The following TAFA1 variants were observed in gnomAD, a reference collection of about 807,000 sequenced individuals.
TAFA1 encodes the protein TAFA chemokine like family member 1, also known as chemokine-like protein TAFA-1.
A neutral mutation model predicts 18.5 loss-of-function variants in TAFA1; 4 were observed. The ratio of observed to expected loss-of-function variants is 0.22; its 90% confidence interval spans 0.11 to 0.49. The LOEUF (loss-of-function observed/expected upper bound fraction) is 0.49. Ranked by LOEUF, TAFA1 falls within the 20% of genes least tolerant of loss-of-function variation. The pLI, the probability that TAFA1 is intolerant of heterozygous loss-of-function variation, is 0.98. For missense variants in TAFA1, 147 were observed against 169.0 expected (o/e 0.87, Z 0.72); for synonymous variants, 56 against 55.2 (o/e 1.01, Z -0.06).
At chr3:68,387,293 A>G (rs905907596) in intron 2 of TAFA1, among the ~76,000 whole-genome samples, 1 of 152,136 alleles carries the variant, frequency 6.6e-6, no homozygotes, top group East Asian at 1.9e-4. Context: ...ATGGCAGTCT[A>G]TAGCTCAGTT....
At chr3:68,483,839 A>C (rs987902947) in intron 3 of TAFA1, among the ~76,000 whole-genome samples, 18 of 152,232 alleles carry the variant, frequency 1.2e-4, no homozygotes, top group Admixed American at 1.3e-4. Context: ...TGGAGCCCGA[A>C]GTTTATAGAA....
chr3:68,244,969 C>T (rs544251240), intron 2 of TAFA1, among the ~76,000 whole-genome samples: 1 of 152,254 alleles, frequency 6.6e-6, no homozygotes, highest in African/African-American at 2.4e-5. Context: ...CTATAATATG[C>T]TTAGTAATAA....
chr3:68,345,271 G>A (rs533233371), intron 2 of TAFA1, among the ~76,000 whole-genome samples: 6 of 152,304 alleles, frequency 3.9e-5, no homozygotes, highest in Admixed American at 2.6e-4. Context: ...TGAGCAACCA[G>A]GGCCAGATCT....
At chr3:68,325,360 T>A (rs1375734339) in intron 2 of TAFA1, among the ~76,000 whole-genome samples, 1 of 152,198 alleles carries the variant, frequency 6.6e-6, no homozygotes, top group Non-Finnish European at 1.5e-5. Context: ...ATGTGACCTT[T>A]GTGCTAGTTA....
intron 3 of TAFA1, among the ~76,000 whole-genome samples, chr3:68,502,764 AT>A (rs1266391090): frequency 6.6e-6 from 1 of 152,128 alleles, no homozygotes; most frequent in African/African-American, 2.4e-5. Flanking sequence ...CTATGGCATC[AT>A]CTATAACAGT....
At chr3:67,992,292 A>G in the TAFA1 span, among the ~76,000 whole-genome samples, 2 of 152,228 alleles carry the variant, frequency 1.3e-5, no homozygotes, top group South Asian at 4.1e-4. Flanking sequence ...ACATTTTTGT[A>G]TCCTAACTGA....
Position 68,414,261 on chromosome 3 carries a change from C to T in TAFA1, c.119-3019C>T, listed in dbSNP as rs1168164098. ...AGCAGAGGTTGCAGTGAACTGAGAT[C>T]GCGCCATTGCACTCCAGCCTAGGCA... On this transcript the variant is annotated intron_variant, in intron 2 of 4. Coordinates refer to ENST00000478136, the MANE Select transcript of TAFA1 (RefSeq NM_213609.4). Among the ~76,000 whole-genome samples the T allele has an allele frequency of 3.3e-5, 5 of 152,188 alleles. No homozygotes were observed. The South Asian group carries it at 6.2e-4, about 19-fold the overall frequency.
At chr3:68,278,642 T>C (rs2067839089) in intron 2 of TAFA1, among the ~76,000 whole-genome samples, 2 of 152,150 alleles carry the variant, frequency 1.3e-5, no homozygotes, top group African/African-American at 4.8e-5. Flanking sequence ...TTGATCAATA[T>C]ATCTTTTAGC....
intron 3 of TAFA1, among the ~76,000 whole-genome samples, chr3:68,462,353 A>T (rs1354531174): frequency 6.6e-6 from 1 of 152,020 alleles, no homozygotes; most frequent in South Asian, 2.1e-4. Flanking sequence ...TGCTGTTCTC[A>T]TGATAGTAAG....
At chr3:68,539,033 G>A (rs573472050) in intron 4 of TAFA1, among the ~76,000 whole-genome samples, 153 bp downstream of exon 4, 14 of 152,206 alleles carry the variant, frequency 9.2e-5, no homozygotes, top group African/African-American at 2.9e-4. Flanking sequence ...GTGTCCATCC[G>A]TGAATGAGAC....
At chr3:68,168,780 G>A (rs1199709602) in intron 2 of TAFA1, among the ~76,000 whole-genome samples, 3 of 152,010 alleles carry the variant, frequency 2.0e-5, no homozygotes, top group Admixed American at 2.0e-4. Flanking sequence ...AATTTATTGG[G>A]ACAAAAAAAT....
At chr3:68,354,559 G>A (rs780741574) in intron 2 of TAFA1, among the ~76,000 whole-genome samples, 29 of 151,908 alleles carry the variant, frequency 1.9e-4, no homozygotes, top group Non-Finnish European at 3.8e-4. Context: ...AAAAGAAATT[G>A]AGCAAGAACA....
chr3:68,401,262 G>A (rs1428821151), intron 2 of TAFA1, among the ~76,000 whole-genome samples: 3 of 152,182 alleles, frequency 2.0e-5, no homozygotes, highest in Admixed American at 6.5e-5. Flanking sequence ...TGGAGCTAGG[G>A]TGGTGTCTCA....
chr3:68,067,059 G>C (rs1423509826), intron 2 of TAFA1, among the ~76,000 whole-genome samples: 3 of 152,118 alleles, frequency 2.0e-5, no homozygotes, highest in African/African-American at 7.2e-5. Context: ...TTTGATTTTG[G>C]GTGACTGGCG....
rs547531700 is a variant in TAFA1 at position 68,093,235 on chromosome 3, C to G, written c.118+86491C>G. On this transcript the variant is annotated intron_variant, in intron 2 of 4. Coordinates refer to ENST00000478136, the MANE Select transcript of TAFA1 (RefSeq NM_213609.4). ...ATTCTTGTCCGGCCTGGTCACTGAG[C>G]CTCTTTCTGTATATGTCTCTCAAAT... 5.9e-5 allele frequency among the ~76,000 whole-genome samples: 9 copies of G among 152,144 alleles called. No homozygotes were observed. In the East Asian group the frequency reaches 1.6e-3, roughly 26 times the overall value.
chr3:68,396,399 A>G (rs2070384660), intron 2 of TAFA1, among the ~76,000 whole-genome samples: 1 of 152,098 alleles, frequency 6.6e-6, no homozygotes, highest in African/African-American at 2.4e-5. Flanking sequence ...ACCTTTCCCA[A>G]GGTAGCTACT....
chr3:68,419,738 G>T (rs115700198), intron 3 of TAFA1, among the ~76,000 whole-genome samples: 52 of 152,268 alleles, frequency 3.4e-4, no homozygotes, highest in Non-Finnish European at 6.0e-4. Flanking sequence ...ATCGATTCAT[G>T]TTATGTATTT....
chr3:68,526,904 A>G (rs1309330238), intron 3 of TAFA1, among the ~76,000 whole-genome samples: 1 of 152,182 alleles, frequency 6.6e-6, no homozygotes, highest in Non-Finnish European at 1.5e-5. Context: ...TAAGAAACAT[A>G]AAAAACATTT....
intron 2 of TAFA1, among the ~76,000 whole-genome samples, chr3:68,367,232 G>A (rs759671501): frequency 1.2e-4 from 18 of 152,166 alleles, no homozygotes; most frequent in South Asian, 4.1e-4. Flanking sequence ...CAAGTGTAAC[G>A]TAATCTACGT....
Sources: allele counts gnomAD v4.1 joint callset (sites outside exome capture counted in the v4.1 genomes callset), GRCh38; gene constraint gnomAD v4.1.1; transcripts MANE v1.5; gene names NCBI Gene and HGNC (gene_info 2026-07-23, HGNC 2026-07-21).